PDZRN4: variants seen among roughly 807,000 people sequenced by gnomAD.
PDZRN4 encodes PDZ domain containing ring finger 4, also known as PDZ domain-containing RING finger protein 4.
Under a neutral mutation model 99.0 loss-of-function variants are expected in PDZRN4, and 70 were observed. The ratio of observed to expected loss-of-function variants is 0.71; its 90% CI spans 0.58 to 0.86. PDZRN4 has a LOEUF of 0.86. Ranked by LOEUF, PDZRN4 falls within the 40% of genes least tolerant of loss-of-function variation. The pLI is 0.00. For missense variants in PDZRN4, 1,474 were observed against 1,331.2 expected (o/e 1.11, Z -1.67); for synonymous variants, 551 against 501.6 (o/e 1.10, Z -1.32).
rs564516923 is a variant in PDZRN4 at position 41,542,244 on chromosome 12, C to T, written c.1204-10412C>T. ...GAGAGTGGAGATGCAATCAAGACCGCGGGGCCAGGTGAAAGCAGCACTATA... is the reference window on the plus strand; with the variant it reads ...GAGAGTGGAGATGCAATCAAGACCGTGGGGCCAGGTGAAAGCAGCACTATA... On this transcript the variant is annotated intron_variant, in intron 5 of 9. Transcript: ENST00000402685. Among the ~76,000 whole-genome samples the T allele has an allele frequency of 1.2e-4, 18 of 152,262 alleles. No individual in the cohort carries two copies. In the South Asian group the frequency reaches 2.3e-3, roughly 19 times the overall value.
At position 41,280,633 on chromosome 12, in the gene PDZRN4, AAAGCC is replaced by A. The variant is rs552590258; in HGVS notation, c.843+86447_843+86451del. On this transcript the variant is annotated intron_variant, in intron 3 of 9. Transcript: ENST00000402685. ...TGGGTGGAGCCCACCGCAGCTCAGC[AAAGCC>A]ACTGTAGCGAGACTGCCTCTCTAGA... Among the ~76,000 whole-genome samples, 1,060 of 152,318 alleles carry A rather than the reference AAAGCC, an allele frequency of 7.0e-3. 6 individuals are homozygous for A. Among genetic ancestry groups the A allele is most frequent in the Non-Finnish European group, 0.01 (696 of 68,022 alleles).
chr12:41,482,179 G>A (rs1008392249), intron 3 of PDZRN4, among the ~76,000 whole-genome samples: 6 of 152,122 alleles, frequency 3.9e-5, no homozygotes, highest in Non-Finnish European at 5.9e-5. Flanking sequence ...TGCCACAGCT[G>A]TAAGCATCAC....
At position 41,368,790 on chromosome 12, in the gene PDZRN4, A is replaced by G. The variant is rs533922736; in HGVS notation, c.844-137666A>G. Among the ~76,000 whole-genome samples the G allele has an allele frequency of 4.6e-5, 7 of 152,194 alleles. No individual in the cohort carries two copies. In the South Asian group the frequency reaches 1.4e-3, roughly 32 times the overall value. On this transcript the variant is annotated intron_variant, in intron 3 of 9. Coordinates refer to ENST00000402685, the MANE Select transcript of PDZRN4 (RefSeq NM_001164595.2). ...AAGGTGCTCCTGTATACATTAGCTC[A>G]TCTCCTCCCAAGTGAAGAGCAGTCT...
intron 6 of PDZRN4, among the ~76,000 whole-genome samples, chr12:41,554,958 T>C (rs138910820): frequency 0.039 from 5,884 of 149,258 alleles, 278 homozygotes; most frequent in African/African-American, 0.11. Context: ...CCTGTAATCC[T>C]AGCACTTTGG....
chr12:41,396,334 C>T (rs1952245487), intron 3 of PDZRN4, among the ~76,000 whole-genome samples: 1 of 152,148 alleles, frequency 6.6e-6, no homozygotes, highest in Non-Finnish European at 1.5e-5. Flanking sequence ...TGGCCGCTTA[C>T]TAACACTCTC....
At chr12:41,529,655 T>A (rs1315188062) in intron 5 of PDZRN4, among the ~76,000 whole-genome samples, 1 of 152,214 alleles carries the variant, frequency 6.6e-6, no homozygotes, top group African/African-American at 2.4e-5. Flanking sequence ...TCTTAGAAAA[T>A]GCCAACCTTA....
At chr12:41,315,917 C>A (rs1177635081) in intron 3 of PDZRN4, among the ~76,000 whole-genome samples, 2 of 152,076 alleles carry the variant, frequency 1.3e-5, no homozygotes, top group Non-Finnish European at 2.9e-5. Flanking sequence ...CTCCTTCCCC[C>A]ACCTTCACTC....
chr12:41,524,077 G>A (rs1321247626), intron 5 of PDZRN4, among the ~76,000 whole-genome samples: 1 of 152,048 alleles, frequency 6.6e-6, no homozygotes, highest in East Asian at 1.9e-4. Context: ...GGAACTGTCT[G>A]AAAAGGAAAT....
chr12:41,329,440 A>C (rs565650662), intron 3 of PDZRN4, among the ~76,000 whole-genome samples: 2 of 152,138 alleles, frequency 1.3e-5, no homozygotes, highest in South Asian at 4.1e-4. Context: ...TTGTCAAAGC[A>C]TGTGTTTATA....
At chr12:41,423,678 T>C (rs962728150) in intron 3 of PDZRN4, among the ~76,000 whole-genome samples, 6 of 152,290 alleles carry the variant, frequency 3.9e-5, no homozygotes, top group African/African-American at 1.4e-4. Flanking sequence ...ACAGAAGTTT[T>C]CTGTTTATTT....
intron 3 of PDZRN4, among the ~76,000 whole-genome samples, chr12:41,260,783 T>C (rs1951232927): frequency 1.3e-5 from 2 of 152,164 alleles, no homozygotes; most frequent in Non-Finnish European, 2.9e-5. Context: ...GAAGTCATAA[T>C]TTGGATTTTC....
intron 3 of PDZRN4, among the ~76,000 whole-genome samples, chr12:41,394,916 A>AT (rs1157385957): frequency 4.6e-5 from 7 of 152,054 alleles, no homozygotes; most frequent in Non-Finnish European, 7.4e-5. Flanking sequence ...CGCTTCTGCT[A>AT]TTTTTTTATT....
chr12:41,447,194 G>A (rs557889798), intron 3 of PDZRN4, among the ~76,000 whole-genome samples: 5 of 152,130 alleles, frequency 3.3e-5, no homozygotes, highest in Admixed American at 1.3e-4. Flanking sequence ...GCTCAGCCAC[G>A]CTAACTTGAC....
chr12:41,437,787 G>C, intron 3 of PDZRN4: 1 of 1,548,316 alleles, frequency 6.5e-7, no homozygotes, highest in Non-Finnish European at 8.7e-7. Context: ...ACACCACTCT[G>C]GCTTACGCTT....
chr12:41,334,379 A>C (rs1951759491), intron 3 of PDZRN4, among the ~76,000 whole-genome samples: 2 of 103,706 alleles, frequency 1.9e-5, no homozygotes, highest in South Asian at 4.3e-4. Context: ...GGGGAACATT[A>C]ATGAAAAGTT....
At chr12:41,404,011 T>G (rs755073100) in intron 3 of PDZRN4, among the ~76,000 whole-genome samples, 23 of 152,120 alleles carry the variant, frequency 1.5e-4, no homozygotes, top group African/African-American at 2.2e-4. Context: ...GCTGAAGTTC[T>G]TTATATAAAA....
chr12:41,474,276 A>G (rs1021351006), intron 3 of PDZRN4, among the ~76,000 whole-genome samples: 1 of 152,224 alleles, frequency 6.6e-6, no homozygotes, highest in Non-Finnish European at 1.5e-5. Flanking sequence ...TATCAATTGC[A>G]CAGATGAGAA....
intron 3 of PDZRN4, among the ~76,000 whole-genome samples, chr12:41,315,353 T>TC (rs1951631517): frequency 6.6e-6 from 1 of 152,170 alleles, no homozygotes; most frequent in Non-Finnish European, 1.5e-5. Context: ...TTGATTTTTT[T>TC]CCCACTCTTG....
At chr12:41,568,881 T>C (rs112921562) in intron 9 of PDZRN4, among the ~76,000 whole-genome samples, 348 of 151,686 alleles carry the variant, frequency 2.3e-3, no homozygotes, top group African/African-American at 8.1e-3. Flanking sequence ...CTCAGCTCAC[T>C]GGAACCTCCG....
Sources: gnomAD v4.1 joint callset for allele counts (sites outside exome capture counted in the v4.1 genomes callset) on GRCh38, gnomAD v4.1.1 for gene constraint, MANE v1.5 for transcripts, NCBI Gene and HGNC (gene_info 2026-07-23, HGNC 2026-07-21) for gene names.